MPV17L2: variants seen among roughly 807,000 people sequenced by gnomAD.
MPV17L2 encodes the protein MPV17 mitochondrial inner membrane protein like 2.
Under a neutral mutation model 24.2 loss-of-function variants are expected in MPV17L2, and 25 were observed. The observed-to-expected ratio is 1.03, with a 90% CI of 0.75 to 1.44. MPV17L2 has a LOEUF of 1.44. Ranked by LOEUF, MPV17L2 falls within the 40% of genes most tolerant of loss-of-function variation. MPV17L2 has a pLI of 0.00. For synonymous variants in MPV17L2, 130 were observed against 121.4 expected (o/e 1.07, Z -0.46); for missense variants, 271 against 276.2 (o/e 0.98, Z 0.13).
intron 4 of MPV17L2, among the ~76,000 whole-genome samples, chr19:18,195,677 C>CA (rs56726924): frequency 0.067 from 10,091 of 149,506 alleles, 771 homozygotes; most frequent in African/African-American, 0.19. Context: ...ACTAAAAATA[C>CA]AAAAAAAAAA....
intron 2 of MPV17L2, 117 bp downstream of exon 2, chr19:18,194,151 C>T (rs769651748): frequency 2.5e-6 from 3 of 1,183,418 alleles, no homozygotes; most frequent in Non-Finnish European, 3.6e-6. Context: ...TTGGGTCGCC[C>T]TGGACTAGGA....
At position 18,195,094 on chromosome 19, in the gene MPV17L2, T is replaced by G. The variant is rs757433018; in HGVS notation, c.564+8T>G. ...TCCTACTTGAAGTACCGGGTGAGTG[T>G]GGAGGGCATACCAGGCACCCAGGGG... On this transcript the variant is annotated splice_region_variant and intron_variant, in intron 4 of 4. Coordinates refer to ENST00000599612, the MANE Select transcript of MPV17L2 (RefSeq NM_032683.3). The G allele has an allele frequency of 7.4e-6, 12 of 1,613,240 alleles. No homozygotes were observed. Among genetic ancestry groups the G allele is most frequent in the Non-Finnish European group, 2.5e-6 (3 of 1,179,562 alleles).
In MPV17L2 at chr19:18,194,942, C is replaced by A; in HGVS notation, c.436-16C>A. 1.9e-6 allele frequency: 3 copies of A among 1,609,972 alleles called. No individual in the cohort carries two copies. On this transcript the variant is annotated splice_polypyrimidine_tract_variant and intron_variant, in intron 3 of 4. Coordinates refer to ENST00000599612, the MANE Select transcript of MPV17L2 (RefSeq NM_032683.3). The stretch of plus-strand genomic sequence containing the variant: ...CAGCTCTGGCCCCGCCCCTCATCCC[C>A]CGCCTCTCCCCGCAGGCAGACTGGT...
rs1337044895 is a variant in MPV17L2 at position 18,193,432 on chromosome 19, G to A, written c.151G>A (p.Ala51Thr). The A allele has an allele frequency of 6.5e-7, 1 of 1,547,896 alleles. No individual in the cohort carries two copies. The highest frequency in any genetic ancestry group is 8.6e-7 in the Non-Finnish European group (1 of 1,157,506). ...CGTGCGCCAGTCCTGGGAGATCCGC[G>A]CCCGGCCCGGCCAGGTTTTCGACCC... ...DGVRQSWEIRARPGQVFDPRR... is the reference protein window; with the variant it reads ...DGVRQSWEIRTRPGQVFDPRR... Residue 51 changes from alanine (A) to threonine (T), a missense_variant, in exon 1 of 5, where the codon GCC becomes ACC. Coordinates refer to ENST00000599612, the MANE Select transcript of MPV17L2 (RefSeq NM_032683.3).
In MPV17L2 at chr19:18,193,359, C is replaced by A; in HGVS notation, c.78C>A (p.Leu26=). ...TTCTATTCCAGGGCCGCGCGCTGCT[C>A]GTCACTAACACGCTGGGCTGCGGCG... The part of the protein sequence containing the change: ...GQLLFQGRAL[L]VTNTLGCGAL... The change falls in exon 1 of 5, where the codon CTC becomes CTA. Residue 26 remains leucine, a synonymous_variant. Transcript: ENST00000599612. 1 of 1,567,856 alleles carries A rather than the reference C, an allele frequency of 6.4e-7. No individual in the cohort carries two copies. Among genetic ancestry groups the A allele is most frequent in the South Asian group, 1.2e-5 (1 of 86,104 alleles).
chr19:18,195,046 CGCTGG>C lies in MPV17L2; in HGVS notation c.531_535del (p.Trp178HisfsTer160), dbSNP rs1967487752. The stretch of plus-strand genomic sequence containing the variant: ...CGAGTCACCTACATCAACGGCCTGA[CGCTGG>C]GCTGGGACACGTACCTGTCCTACTT... On this transcript the variant is annotated frameshift_variant, in exon 4 of 5. Coordinates refer to ENST00000599612, the MANE Select transcript of MPV17L2 (RefSeq NM_032683.3). LOFTEE classifies it high-confidence loss of function. The C allele has an allele frequency of 1.9e-6, 3 of 1,614,168 alleles. No individual in the cohort carries two copies. Among genetic ancestry groups the C allele is most frequent in the Non-Finnish European group, 1.7e-6 (2 of 1,180,010 alleles).
chr19:18,194,464 C>T lies in MPV17L2; in HGVS notation c.359-313C>T, dbSNP rs146884570. Among the ~76,000 whole-genome samples the T allele has an allele frequency of 1.3e-3, 200 of 152,332 alleles. 1 individual carries two copies. The highest frequency in any genetic ancestry group is 4.6e-3 in the African/African-American group (192 of 41,578). On this transcript the variant is annotated intron_variant, in intron 2 of 4. Coordinates refer to ENST00000599612, the MANE Select transcript of MPV17L2 (RefSeq NM_032683.3). Reference sequence around the variant, plus strand: ...TAGAGGAGTCTCTCATTCTCCACCTCCCAGCCCGGCTTCCTGGTCTGTGAT... The same window carrying T: ...TAGAGGAGTCTCTCATTCTCCACCTTCCAGCCCGGCTTCCTGGTCTGTGAT...
At chr19:18,195,946 A>T (rs1481307130) in intron 4 of MPV17L2, 53 bp from the exon 5 acceptor site, 2 of 1,549,632 alleles carry the variant, frequency 1.3e-6, no homozygotes, top group African/African-American at 2.7e-5. Context: ...AGGTAGAGGG[A>T]CAGGGAGGGA....
At chr19:18,194,138 T>C (rs1600020029) in intron 2 of MPV17L2, 104 bp downstream of exon 2, 1 of 1,331,684 alleles carries the variant, frequency 7.5e-7, no homozygotes, top group Non-Finnish European at 1.0e-6. Flanking sequence ...ATTTGCCCCC[T>C]GTTTGGGTCG....
intron 4 of MPV17L2, 137 bp from the exon 5 acceptor site, chr19:18,195,862 C>T: frequency 1.3e-6 from 1 of 781,224 alleles, no homozygotes. Flanking sequence ...CCCAACCCTT[C>T]TCTGCTGTCT....
rs761950788 is a variant in MPV17L2 at position 18,194,760 on chromosome 19, C to A, written c.359-17C>A. 4 of 1,597,002 alleles carry A rather than the reference C, an allele frequency of 2.5e-6. No individual in the cohort carries two copies. In the East Asian group the frequency reaches 6.7e-5, roughly 27 times the overall value. ...TTCCTGGCCTCTAACACTCTCATTT[C>A]TTGGTTTGCTTCCCAGGCCTTGGCT... On this transcript the variant is annotated splice_polypyrimidine_tract_variant and intron_variant, in intron 2 of 4. Transcript: ENST00000599612.
chr19:18,193,510 T>G, intron 1 of MPV17L2, 42 bp downstream of exon 1: 1 of 1,437,858 alleles, frequency 7.0e-7, no homozygotes, highest in Non-Finnish European at 9.1e-7. Context: ...CCGGGCGACC[T>G]TTGATCCCGA....
chr19:18,195,883 C>T, intron 4 of MPV17L2, 116 bp from the exon 5 acceptor site: 2 of 973,788 alleles, frequency 2.1e-6, no homozygotes, highest in African/African-American at 1.6e-5. Flanking sequence ...GATGTGACCT[C>T]AGCCCGGTCC....
Position 18,196,537 on chromosome 19 carries a change from G to C in MPV17L2, c.*482G>C, listed in dbSNP as rs977242141. On this transcript the variant is annotated 3_prime_UTR_variant, in exon 5 of 5. Transcript: ENST00000599612. ...GGCAGCCTCTGTGTTTCTTTCCCTG[G>C]TCCTGAACTGTGGAAATGCCATTAA... 3 of 866,160 alleles carry C rather than the reference G, an allele frequency of 3.5e-6. No homozygotes were observed. The African/African-American group carries it at 5.3e-5, about 15-fold the overall frequency. 53.7% of individuals were successfully genotyped at this position (866,160 alleles called of 1,614,324 possible).
intron 4 of MPV17L2, among the ~76,000 whole-genome samples, 180 bp from the exon 5 acceptor site, chr19:18,195,819 A>C (rs546657510): frequency 6.6e-6 from 1 of 152,378 alleles, no homozygotes; most frequent in East Asian, 1.9e-4. Context: ...CCTGGGCGAC[A>C]GTTCGAGACT....
rs1304282921 is a variant in MPV17L2, at chr19:18,193,248, G to A, written c.-34G>A. 4 of 1,448,786 alleles carry A rather than the reference G, an allele frequency of 2.8e-6. No homozygotes were observed. The highest frequency in any genetic ancestry group is 3.6e-6 in the Non-Finnish European group (4 of 1,107,826). 89.7% of individuals were successfully genotyped at this position (1,448,786 alleles called of 1,614,324 possible). A position where few individuals can be genotyped will look rare whatever the true frequency, so the allele number is the denominator to read the frequency against. On this transcript the variant is annotated 5_prime_UTR_variant, in exon 1 of 5. Transcript: ENST00000599612. ...GCGACTGGTCGGCGCGGCGAAAGCAGAGCGGCGCGCCGGTTCCTTGGTTCC... is the reference window on the plus strand; with the variant it reads ...GCGACTGGTCGGCGCGGCGAAAGCAAAGCGGCGCGCCGGTTCCTTGGTTCC...
chr19:18,196,063 G>A lies in MPV17L2; in HGVS notation c.*8G>A. 2 of 1,614,124 alleles carry A rather than the reference G, an allele frequency of 1.2e-6. No homozygotes were observed. Among genetic ancestry groups the A allele is most frequent in the South Asian group, 2.2e-5 (2 of 91,084 alleles). ...GACACCCGAGCAGACTGAACTGTCTGCTTCCTGGACCAGATGCAAGACTGT... is the reference window on the plus strand; with the variant it reads ...GACACCCGAGCAGACTGAACTGTCTACTTCCTGGACCAGATGCAAGACTGT... On this transcript the variant is annotated 3_prime_UTR_variant, in exon 5 of 5. Coordinates refer to ENST00000599612, the MANE Select transcript of MPV17L2 (RefSeq NM_032683.3).
At position 18,196,556 on chromosome 19, in the gene MPV17L2, C is replaced by A; in HGVS notation, c.*501C>A. On this transcript the variant is annotated 3_prime_UTR_variant, in exon 5 of 5. Transcript: ENST00000599612. Reference sequence around the variant, plus strand: ...TCCCTGGTCCTGAACTGTGGAAATGCCATTAAACTCTCTCTATAATGTAAC... The same window carrying A: ...TCCCTGGTCCTGAACTGTGGAAATGACATTAAACTCTCTCTATAATGTAAC... The A allele has an allele frequency of 2.9e-6, 2 of 691,042 alleles. No individual in the cohort carries two copies. Among genetic ancestry groups the A allele is most frequent in the Non-Finnish European group, 4.2e-6 (2 of 480,896 alleles). The allele number at this position is 691,042 out of a possible 1,614,324, so 42.8% of individuals were successfully genotyped here. A position where few individuals can be genotyped will look rare whatever the true frequency, so the allele number is the denominator to read the frequency against.
At position 18,196,532 on chromosome 19, in the gene MPV17L2, C is replaced by T. The variant is rs971233910; in HGVS notation, c.*477C>T. On this transcript the variant is annotated 3_prime_UTR_variant, in exon 5 of 5. Coordinates refer to ENST00000599612, the MANE Select transcript of MPV17L2 (RefSeq NM_032683.3). ...GGCCAGGCAGCCTCTGTGTTTCTTT[C>T]CCTGGTCCTGAACTGTGGAAATGCC... 2.1e-6 allele frequency: 2 copies of T among 933,864 alleles called. No individual in the cohort carries two copies. The highest frequency in any genetic ancestry group is 2.9e-6 in the Non-Finnish European group (2 of 685,088). 57.8% of individuals were successfully genotyped at this position (933,864 alleles called of 1,614,324 possible). A position where few individuals can be genotyped will look rare whatever the true frequency, so the allele number is the denominator to read the frequency against.
Sources: gnomAD v4.1 joint callset for allele counts (sites outside exome capture counted in the v4.1 genomes callset) on GRCh38, gnomAD v4.1.1 for gene constraint, MANE v1.5 for transcripts, NCBI Gene and HGNC (gene_info 2026-07-23, HGNC 2026-07-21) for gene names.